CDYL2: variants seen among roughly 807,000 people sequenced by gnomAD.
CDYL2 encodes the protein chromodomain Y like 2.
CDYL2 carries 23 observed loss-of-function variants against 49.4 expected under a neutral mutation model. The observed-to-expected ratio is 0.47, with a 90% CI of 0.34 to 0.66. The LOEUF is 0.66. Ranked by LOEUF, CDYL2 falls within the 30% of genes least tolerant of loss-of-function variation. CDYL2 has a pLI of 0.01. For synonymous variants in CDYL2, 360 were observed against 268.8 expected (o/e 1.34, Z -3.32); for missense variants, 678 against 656.4 (o/e 1.03, Z -0.36).
chr16:80,632,485 T>C (rs191766485), intron 3 of CDYL2, among the ~76,000 whole-genome samples: 104 of 152,330 alleles, frequency 6.8e-4, no homozygotes, highest in East Asian at 7.7e-4. Context: ...TGGAATTCAG[T>C]AGTGATGATG....
intron 1 of CDYL2, among the ~76,000 whole-genome samples, chr16:80,799,397 C>A (rs554239200): frequency 4.6e-5 from 7 of 152,300 alleles, no homozygotes; most frequent in African/African-American, 1.7e-4. Flanking sequence ...AACTATATCT[C>A]CCACTGGGCT....
At chr16:80,610,004 C>A (rs1225175868) in intron 5 of CDYL2, among the ~76,000 whole-genome samples, 1 of 152,106 alleles carries the variant, frequency 6.6e-6, no homozygotes, top group Non-Finnish European at 1.5e-5. Flanking sequence ...AAGCTCCCAG[C>A]ACAGAGGCAA....
At chr16:80,766,777 A>G (rs796221753) in intron 1 of CDYL2, among the ~76,000 whole-genome samples, 12 of 152,342 alleles carry the variant, frequency 7.9e-5, no homozygotes, top group African/African-American at 2.9e-4. Context: ...AAAGTGTAAA[A>G]AGCAACATCA....
chr16:80,804,046 C>T (rs1234932268), intron 1 of CDYL2, 104 bp downstream of exon 1: 20 of 855,830 alleles, frequency 2.3e-5, no homozygotes, highest in Non-Finnish European at 2.6e-5. Context: ...TCGGCAACTC[C>T]GGATTGCGCC....
chr16:80,685,440 G>A (rs998757818), intron 1 of CDYL2, among the ~76,000 whole-genome samples: 5 of 152,196 alleles, frequency 3.3e-5, no homozygotes, highest in Non-Finnish European at 5.9e-5. Flanking sequence ...TGCCTTGCAA[G>A]GTTTCACAAG....
At chr16:80,673,861 T>C (rs1909632174) in intron 2 of CDYL2, among the ~76,000 whole-genome samples, 1 of 152,088 alleles carries the variant, frequency 6.6e-6, no homozygotes, top group Non-Finnish European at 1.5e-5. Flanking sequence ...TAAGTCCTTG[T>C]AAGAGGGAGG....
chr16:80,622,479 T>C (rs1907125412), intron 3 of CDYL2, among the ~76,000 whole-genome samples: 1 of 152,176 alleles, frequency 6.6e-6, no homozygotes, highest in Non-Finnish European at 1.5e-5. Flanking sequence ...TCTTACCTAC[T>C]ACTTGTTTGT....
chr16:80,745,156 A>G (rs1038870232), intron 1 of CDYL2, among the ~76,000 whole-genome samples: 87 of 152,286 alleles, frequency 5.7e-4, no homozygotes, highest in African/African-American at 2.0e-3. Context: ...CAACAAACCA[A>G]TCAAGGTGAG....
chr16:80,655,943 T>G (rs1490149300), intron 2 of CDYL2, among the ~76,000 whole-genome samples: 1 of 152,130 alleles, frequency 6.6e-6, no homozygotes. Context: ...ACAGAACATG[T>G]TGGAACTGTG....
intron 1 of CDYL2, among the ~76,000 whole-genome samples, chr16:80,778,624 G>T (rs1034438639): frequency 6.6e-6 from 1 of 152,028 alleles, no homozygotes; most frequent in East Asian, 1.9e-4. Flanking sequence ...ATAAGACTCA[G>T]TATCACAGAG....
intron 2 of CDYL2, among the ~76,000 whole-genome samples, chr16:80,667,417 C>T (rs1424221600): frequency 6.6e-6 from 1 of 152,178 alleles, no homozygotes; most frequent in African/African-American, 2.4e-5. Context: ...GACATCCCTG[C>T]CTTTTTCCTC....
intron 2 of CDYL2, among the ~76,000 whole-genome samples, chr16:80,642,051 T>A (rs1021218243): frequency 2.6e-5 from 4 of 152,024 alleles, no homozygotes; most frequent in South Asian, 4.2e-4. Flanking sequence ...AATGAGCAGG[T>A]CAAAAATAAT....
At chr16:80,626,760 G>A (rs1907322771) in intron 3 of CDYL2, among the ~76,000 whole-genome samples, 6 of 152,170 alleles carry the variant, frequency 3.9e-5, no homozygotes, top group Admixed American at 3.3e-4. Flanking sequence ...ATGGAAGTTA[G>A]GGGGATACTG....
Position 80,684,742 on chromosome 16 carries a change from T to G in CDYL2, c.412A>C (p.Arg138=). The G allele has an allele frequency of 6.2e-7, 1 of 1,614,198 alleles. No homozygotes were observed. The highest frequency in any genetic ancestry group is 8.5e-7 in the Non-Finnish European group (1 of 1,180,044). The change falls in exon 2 of 7, where the codon AGG becomes CGG. Residue 138 remains arginine, a synonymous_variant. Transcript: ENST00000570137. ...ATTTGCAAACCACTGGGGGTAGTCC[T>G]GTAAGACACCGTCTTGGTGGCCCTG... is the stretch of plus-strand genomic sequence containing the variant. ...GDRATKTVSY[R]TTPSGLQIMP... is the part of the protein sequence containing the mutation.
At chr16:80,687,419 T>C (rs1910241220) in intron 1 of CDYL2, among the ~76,000 whole-genome samples, 1 of 151,664 alleles carries the variant, frequency 6.6e-6, no homozygotes, top group African/African-American at 2.4e-5. Flanking sequence ...GATGAATGGA[T>C]GAATGGATAG....
intron 1 of CDYL2, among the ~76,000 whole-genome samples, chr16:80,778,117 C>A (rs1002315509): frequency 6.6e-6 from 1 of 151,986 alleles, no homozygotes; most frequent in Admixed American, 6.5e-5. Flanking sequence ...AATATCCATT[C>A]TTTGTCAAGA....
chr16:80,731,433 A>G lies in CDYL2; in HGVS notation c.25-46304T>C, dbSNP rs74030407. ...CAGATAACTAAAAAGGAGAAAATCA[A>G]TAACATAATTCTGAAAAATTCCCAC... On this transcript the variant is annotated intron_variant, in intron 1 of 6. Transcript: ENST00000570137. 4.3e-3 allele frequency among the ~76,000 whole-genome samples: 661 copies of G among 152,302 alleles called. 5 individuals are homozygous for G. The highest frequency in any genetic ancestry group is 0.015 in the African/African-American group (644 of 41,566).
intron 3 of CDYL2, among the ~76,000 whole-genome samples, chr16:80,631,200 T>C (rs1334204427): frequency 6.6e-6 from 1 of 152,156 alleles, no homozygotes; most frequent in Admixed American, 6.5e-5. Flanking sequence ...TTCTCATCTA[T>C]ACAATGTGGA....
chr16:80,621,392 C>T (rs1372111859), intron 3 of CDYL2, among the ~76,000 whole-genome samples: 1 of 152,248 alleles, frequency 6.6e-6, no homozygotes, highest in Non-Finnish European at 1.5e-5. Context: ...CAGCTCATAC[C>T]CCGCACGGCC....
Sources: allele counts gnomAD v4.1 joint callset (sites outside exome capture counted in the v4.1 genomes callset), GRCh38; gene constraint gnomAD v4.1.1; transcripts MANE v1.5; gene names NCBI Gene and HGNC (gene_info 2026-07-23, HGNC 2026-07-21).